Variants in PCDHA6 observed in about 807,000 individuals in gnomAD.
PCDHA6 encodes the protein protocadherin alpha-6.
A neutral mutation model predicts 60.3 loss-of-function variants in PCDHA6; 55 were observed. The ratio of observed to expected loss-of-function variants is 0.91; its 90% CI spans 0.73 to 1.14. PCDHA6 has a LOEUF of 1.14. PCDHA6 is among the 50% of genes most tolerant of loss of function. The pLI, the probability that PCDHA6 is intolerant of heterozygous loss-of-function variation, is 0.00. For missense variants in PCDHA6, 1,327 were observed against 1,256.5 expected, an observed-to-expected ratio of 1.06 and a Z score of -0.85; for synonymous variants, 652 against 557.9, an observed-to-expected ratio of 1.17 and a Z score of -2.38.
chr5:140,895,442 C>T (rs2065008027), intron 1 of PCDHA6, among the ~76,000 whole-genome samples: 1 of 152,148 alleles, frequency 6.6e-6, no homozygotes. Context: ...AGACTCTTTT[C>T]ATGTGCTTAT....
intron 1 of PCDHA6, among the ~76,000 whole-genome samples, chr5:140,855,588 A>G (rs924591016): frequency 6.7e-6 from 1 of 149,870 alleles, no homozygotes; most frequent in Non-Finnish European, 1.5e-5. Flanking sequence ...AAATATTAGT[A>G]TACTCAGTAG....
intron 1 of PCDHA6, chr5:140,968,952 T>C: frequency 1.2e-6 from 2 of 1,614,192 alleles, no homozygotes; most frequent in Non-Finnish European, 1.7e-6. Context: ...TTGAGCATCA[T>C]CAAGTGCTAC....
intron 1 of PCDHA6, chr5:140,966,951 C>T (rs781885198): frequency 6.2e-7 from 1 of 1,603,742 alleles, no homozygotes; most frequent in Non-Finnish European, 8.5e-7. Context: ...GGCAACGTGG[C>T]TCGCGCGCTG....
chr5:140,850,112 C>G, intron 1 of PCDHA6: 1 of 1,596,024 alleles, frequency 6.3e-7, no homozygotes, highest in Non-Finnish European at 8.6e-7. Context: ...GCGCGCGCGA[C>G]GCGGGCGTGC....
chr5:140,835,289 C>T, intron 1 of PCDHA6: 1 of 1,612,382 alleles, frequency 6.2e-7, no homozygotes, highest in Non-Finnish European at 8.5e-7. Flanking sequence ...GTGGGGCAAT[C>T]ACAGTGATAG....
At position 140,856,827 on chromosome 5, in the gene PCDHA6, T is replaced by C. The variant is rs1201833720; in HGVS notation, c.2394+26342T>C. 4.4e-6 allele frequency: 7 copies of C among 1,592,096 alleles called. 1 individual carries two copies. The African/African-American group carries it at 5.4e-5, about 12-fold the overall frequency. ...GAAAATCAAGTGAACCAAACATTAG[T>C]AATACGGCTCAACGCTTCTGATTCG... is the stretch of plus-strand genomic sequence containing the variant. On this transcript the variant is annotated intron_variant, in intron 1 of 3. Transcript: ENST00000529310.
chr5:141,009,562 C>G lies in PCDHA6; in HGVS notation c.2543-65C>G, dbSNP rs1469033090. On this transcript the variant is annotated intron_variant, in intron 3 of 3. Transcript: ENST00000529310. ...GCCTATGCAGTACTCCTGTACTCTA[C>G]CAGCAGTGTGGCATCAAGAGCATGT... The G allele has an allele frequency of 2.5e-6, 4 of 1,571,226 alleles. No individual in the cohort carries two copies. In the African/African-American group the frequency reaches 5.4e-5, roughly 21 times the overall value.
At chr5:140,883,756 G>A (rs1404911116) in intron 1 of PCDHA6, 7 of 1,612,950 alleles carry the variant, frequency 4.3e-6, no homozygotes, top group Non-Finnish European at 5.1e-6. Flanking sequence ...CGCTGGTGGA[G>A]CGGCGGGTGG....
chr5:140,836,831 A>G lies in PCDHA6; in HGVS notation c.2394+6346A>G, dbSNP rs927373808. 3.2e-6 allele frequency: 3 copies of G among 927,304 alleles called. No individual in the cohort carries two copies. In the African/African-American group the frequency reaches 5.0e-5, roughly 16 times the overall value. The allele number at this position is 927,304 out of a possible 1,614,324, so 57.4% of individuals were successfully genotyped here. ...TCTTTCATAATTTCTTTTTTAGTTG[A>G]TAGCTTTATGTATAATTATTATTTT... On this transcript the variant is annotated intron_variant, in intron 1 of 3. Coordinates refer to ENST00000529310, the MANE Select transcript of PCDHA6 (RefSeq NM_018909.4).
intron 1 of PCDHA6, chr5:140,883,037 A>C: frequency 6.2e-7 from 1 of 1,614,166 alleles, no homozygotes; most frequent in Non-Finnish European, 8.5e-7. Flanking sequence ...GAACGCCTTC[A>C]ATGGAACATT....
At chr5:140,842,504 T>C (rs1554139112) in intron 1 of PCDHA6, 9 of 1,613,696 alleles carry the variant, frequency 5.6e-6, no homozygotes, top group Non-Finnish European at 7.6e-6. Context: ...CCATGTCCCC[T>C]TCAAGCTGGT....
chr5:140,965,174 C>CT (rs1213439654), intron 1 of PCDHA6, among the ~76,000 whole-genome samples: 4 of 152,228 alleles, frequency 2.6e-5, no homozygotes, highest in Non-Finnish European at 2.9e-5. Flanking sequence ...TTAGTGAGTG[C>CT]TTTTTTTGCA....
intron 1 of PCDHA6, chr5:140,841,468 G>C: frequency 6.2e-7 from 1 of 1,612,986 alleles, no homozygotes; most frequent in Non-Finnish European, 8.5e-7. Flanking sequence ...GCCGGATCGC[G>C]CAGGACCTGG....
chr5:140,879,019 T>C (rs1554170641), intron 1 of PCDHA6, among the ~76,000 whole-genome samples: 2 of 152,216 alleles, frequency 1.3e-5, no homozygotes, highest in African/African-American at 4.8e-5. Flanking sequence ...AGATAATGTT[T>C]TATTGAAGAG....
chr5:140,902,142 A>T (rs2069127125), intron 1 of PCDHA6, among the ~76,000 whole-genome samples: 1 of 151,120 alleles, frequency 6.6e-6, no homozygotes, highest in African/African-American at 2.4e-5. Flanking sequence ...GCAAACAAGG[A>T]TAATTTGATT....
intron 1 of PCDHA6, among the ~76,000 whole-genome samples, chr5:140,978,505 C>T (rs2096806553): frequency 6.6e-6 from 1 of 152,354 alleles, no homozygotes; most frequent in South Asian, 2.1e-4. Context: ...AGATTGCAGT[C>T]CTCTGCAGTC....
chr5:141,010,158 G>A lies in PCDHA6; in HGVS notation c.*221G>A. 6.4e-7 allele frequency: 1 copy of A among 1,570,690 alleles called. No homozygotes were observed. Among genetic ancestry groups the A allele is most frequent in the Non-Finnish European group, 8.6e-7 (1 of 1,156,884 alleles). On this transcript the variant is annotated 3_prime_UTR_variant, in exon 4 of 4. Coordinates refer to ENST00000529310, the MANE Select transcript of PCDHA6 (RefSeq NM_018909.4). Reference sequence around the variant, plus strand: ...TAACTCTTTCTCTCCACTCTGGCTTGTTTTCAGAACCTAAAAAGCAGACCC... The same window carrying A: ...TAACTCTTTCTCTCCACTCTGGCTTATTTTCAGAACCTAAAAAGCAGACCC...
intron 1 of PCDHA6, among the ~76,000 whole-genome samples, chr5:140,952,656 T>A (rs1554220534): frequency 6.6e-6 from 1 of 152,188 alleles, no homozygotes; most frequent in Admixed American, 6.5e-5. Flanking sequence ...GTTACCCAGT[T>A]CCAAAGTCAC....
chr5:140,836,566 C>T, intron 1 of PCDHA6: 1 of 1,613,742 alleles, frequency 6.2e-7, no homozygotes, highest in Non-Finnish European at 8.5e-7. Flanking sequence ...GCGCCGTCCT[C>T]TGAGGGCGCA....
Sources: gnomAD v4.1 joint callset for allele counts (sites outside exome capture counted in the v4.1 genomes callset) on GRCh38, gnomAD v4.1.1 for gene constraint, MANE v1.5 for transcripts, NCBI Gene and HGNC (gene_info 2026-07-23, HGNC 2026-07-21) for gene names.